FARS2: variants seen among roughly 807,000 people sequenced by gnomAD.
The protein encoded by FARS2 is phenylalanine--tRNA ligase, mitochondrial.
Under a neutral mutation model 46.4 loss-of-function variants are expected in FARS2, and 40 were observed. That is an observed-to-expected ratio of 0.86 (90% CI 0.67 to 1.12). FARS2 has a LOEUF of 1.12. FARS2 is among the 50% of genes most tolerant of loss of function. The pLI is 0.00. For synonymous variants in FARS2, 234 were observed against 214.9 expected (o/e 1.09, Z -0.78); for missense variants, 513 against 567.9 (o/e 0.90, Z 0.98).
chr6:5,665,740 A>T (rs1778082952), intron 6 of FARS2, among the ~76,000 whole-genome samples: 1 of 152,158 alleles, frequency 6.6e-6, no homozygotes, highest in South Asian at 2.1e-4. Flanking sequence ...CTTTCAACTA[A>T]TTCCTTTGAG....
intron 4 of FARS2, among the ~76,000 whole-genome samples, chr6:5,522,706 T>G (rs909745400): frequency 1.3e-5 from 2 of 152,176 alleles, no homozygotes; most frequent in Non-Finnish European, 1.5e-5. Flanking sequence ...TTGGGAAGAG[T>G]GGCCATTTTC....
At chr6:5,628,947 G>A (rs541089464) in intron 6 of FARS2, among the ~76,000 whole-genome samples, 198 of 152,364 alleles carry the variant, frequency 1.3e-3, no homozygotes, top group African/African-American at 4.6e-3. Context: ...AGAGGTAAGA[G>A]GTTGAAGTGA....
At position 5,368,911 on chromosome 6, in the gene FARS2, A is replaced by G. The variant is rs759889873; in HGVS notation, c.341A>G (p.Asp114Gly). 1 of 1,614,166 alleles carries G rather than the reference A, an allele frequency of 6.2e-7. No homozygotes were observed. The highest frequency in any genetic ancestry group is 8.5e-7 in the Non-Finnish European group (1 of 1,180,020). Residue 114 changes from aspartate (D) to glycine (G), a missense_variant, in exon 2 of 7, where the codon GAC (aspartate) becomes GGC (glycine). Coordinates refer to ENST00000274680, the MANE Select transcript of FARS2 (RefSeq NM_006567.5). ...RFGTPLFSVY[D>G]NLSPVVTTWQ... is the part of the protein sequence containing the mutation. Reference sequence around the variant, plus strand: ...GGGACCCCGTTGTTCTCGGTCTACGACAACCTTTCTCCAGTGGTCACGACC... The same window carrying G: ...GGGACCCCGTTGTTCTCGGTCTACGGCAACCTTTCTCCAGTGGTCACGACC...
At chr6:5,296,303 A>G (rs545996146) in intron 1 of FARS2, among the ~76,000 whole-genome samples, 18 of 151,756 alleles carry the variant, frequency 1.2e-4, no homozygotes, top group South Asian at 6.3e-4. Flanking sequence ...CACCACGCCC[A>G]GCTAATTTTT....
chr6:5,462,417 T>C (rs562029106), intron 4 of FARS2, among the ~76,000 whole-genome samples: 1 of 152,326 alleles, frequency 6.6e-6, no homozygotes, highest in African/African-American at 2.4e-5. Flanking sequence ...TCCATTTTTT[T>C]AATGGATTAT....
chr6:5,351,312 G>A (rs1164767178), intron 1 of FARS2, among the ~76,000 whole-genome samples: 1 of 152,192 alleles, frequency 6.6e-6, no homozygotes, highest in African/African-American at 2.4e-5. Flanking sequence ...TTTTATGAGA[G>A]CAGTGAGCCA....
intron 6 of FARS2, among the ~76,000 whole-genome samples, chr6:5,643,763 A>G (rs150283952): frequency 2.2e-3 from 329 of 152,242 alleles, no homozygotes; most frequent in Non-Finnish European, 3.4e-3. Context: ...TACCAGCCTG[A>G]GCATTCATTG....
intron 6 of FARS2, among the ~76,000 whole-genome samples, chr6:5,667,291 G>A (rs4469342): frequency 0.73 from 111,585 of 152,082 alleles, 43,449 homozygotes; most frequent in East Asian, 0.96. Context: ...GGGCCAAGGT[G>A]GGCAGATCAC....
In FARS2 at chr6:5,292,686, C is replaced by A. The variant is rs569447258; in HGVS notation, c.-22+31026C>A. On this transcript the variant is annotated intron_variant, in intron 1 of 6. Coordinates refer to ENST00000274680, the MANE Select transcript of FARS2 (RefSeq NM_006567.5). ...CCCAAGTGGAGAAGTCCTGCATAGA[C>A]AGGTGCACCTGTAGCCTGGAGCTTT... is the stretch of plus-strand genomic sequence containing the variant. Among the ~76,000 whole-genome samples, 61 of 152,298 alleles carry A rather than the reference C, an allele frequency of 4.0e-4. 3 individuals are homozygous for A. The South Asian group carries it at 0.012, about 30-fold the overall frequency.
intron 6 of FARS2, among the ~76,000 whole-genome samples, chr6:5,682,590 T>C (rs1779089354): frequency 1.3e-5 from 2 of 152,230 alleles, no homozygotes; most frequent in South Asian, 4.1e-4. Context: ...CAGTCCTTAG[T>C]GAGCAGATGG....
intron 5 of FARS2, among the ~76,000 whole-genome samples, chr6:5,592,132 C>G (rs1773952247): frequency 6.6e-6 from 1 of 152,148 alleles, no homozygotes; most frequent in South Asian, 2.1e-4. Flanking sequence ...CGCCTGTAAT[C>G]CCAGCACTTT....
At chr6:5,392,980 C>A (rs1466789184) in intron 2 of FARS2, among the ~76,000 whole-genome samples, 1 of 140,480 alleles carries the variant, frequency 7.1e-6, no homozygotes. Context: ...TTTTAAATAT[C>A]TGAAAATATT....
intron 1 of FARS2, among the ~76,000 whole-genome samples, chr6:5,287,531 C>G (rs984046735): frequency 6.6e-6 from 1 of 152,160 alleles, no homozygotes; most frequent in African/African-American, 2.4e-5. Flanking sequence ...TTAGCCTGCC[C>G]CTGGCCTGGT....
chr6:5,308,803 T>C (rs542053972), intron 1 of FARS2, among the ~76,000 whole-genome samples: 1 of 152,300 alleles, frequency 6.6e-6, no homozygotes, highest in East Asian at 1.9e-4. Flanking sequence ...ACTGGGTGAT[T>C]TATAAACAAT....
At chr6:5,621,969 C>T (rs1327575347) in intron 6 of FARS2, among the ~76,000 whole-genome samples, 7 of 152,232 alleles carry the variant, frequency 4.6e-5, no homozygotes, top group South Asian at 2.1e-4. Context: ...TTCTACATTA[C>T]CTGCAGTCTT....
intron 5 of FARS2, among the ~76,000 whole-genome samples, chr6:5,606,060 A>G (rs1774816102): frequency 6.6e-6 from 1 of 152,150 alleles, no homozygotes; most frequent in Non-Finnish European, 1.5e-5. Flanking sequence ...AGAGGAAGAT[A>G]GATTCAGAAG....
intron 1 of FARS2, among the ~76,000 whole-genome samples, chr6:5,365,452 C>T (rs1368357744): frequency 6.7e-6 from 1 of 148,788 alleles, no homozygotes; most frequent in African/African-American, 2.5e-5. Context: ...TGCCTTAGCT[C>T]CCCAGTAGCT....
At chr6:5,713,507 G>C (rs182659788) in intron 6 of FARS2, among the ~76,000 whole-genome samples, 17 of 152,292 alleles carry the variant, frequency 1.1e-4, no homozygotes, top group Middle Eastern at 6.8e-3. Context: ...AGACGTTGAC[G>C]CTTAGGAAAA....
At chr6:5,753,965 A>G (rs747645776) in intron 6 of FARS2, among the ~76,000 whole-genome samples, 1 of 152,226 alleles carries the variant, frequency 6.6e-6, no homozygotes, top group Non-Finnish European at 1.5e-5. Flanking sequence ...AGTTAACATC[A>G]GTGCTCTTAC....
Sources: allele counts gnomAD v4.1 joint callset (sites outside exome capture counted in the v4.1 genomes callset), GRCh38; gene constraint gnomAD v4.1.1; transcripts MANE v1.5; gene names NCBI Gene and HGNC (gene_info 2026-07-23, HGNC 2026-07-21).